Variants in LPCAT2 observed in about 807,000 individuals in gnomAD.
LPCAT2 encodes 1-AGP acyltransferase 11.
In LPCAT2, 58 loss-of-function variants were observed where a neutral mutation model predicts 64.7. The ratio of observed to expected loss-of-function variants is 0.90; its 90% CI spans 0.73 to 1.12. LPCAT2 has a LOEUF of 1.12. LPCAT2 is among the 50% of genes most tolerant of loss of function. The pLI, the probability that LPCAT2 is intolerant of heterozygous loss-of-function variation, is 0.00. For synonymous variants in LPCAT2, 252 were observed against 245.3 expected (o/e 1.03, Z -0.26); for missense variants, 579 against 669.8 (o/e 0.86, Z 1.50).
At chr16:55,530,091 C>T (rs1299022428) in intron 4 of LPCAT2, 144 bp downstream of exon 4, 3 of 517,108 alleles carry the variant, frequency 5.8e-6, no homozygotes, top group Non-Finnish European at 1.0e-5. Flanking sequence ...AGAGTAAATA[C>T]AGTAGCCAGT....
intron 11 of LPCAT2, among the ~76,000 whole-genome samples, chr16:55,563,934 T>C (rs991206601): frequency 1.3e-5 from 2 of 151,904 alleles, no homozygotes; most frequent in Non-Finnish European, 2.9e-5. Flanking sequence ...TGATATGATC[T>C]TATTTGTAGA....
At chr16:55,542,505 A>G (rs1225786601) in intron 8 of LPCAT2, among the ~76,000 whole-genome samples, 1 of 152,174 alleles carries the variant, frequency 6.6e-6, no homozygotes, top group Non-Finnish European at 1.5e-5. Context: ...CATGGAACAT[A>G]TGTAACATTT....
chr16:55,543,754 C>T (rs946959423), intron 8 of LPCAT2, among the ~76,000 whole-genome samples: 2 of 152,080 alleles, frequency 1.3e-5, no homozygotes, highest in East Asian at 1.9e-4. Flanking sequence ...CTTCAGAGAT[C>T]GTTTAGTTAA....
At chr16:55,523,575 A>G (rs1449059585) in intron 1 of LPCAT2, among the ~76,000 whole-genome samples, 3 of 151,840 alleles carry the variant, frequency 2.0e-5, no homozygotes, top group African/African-American at 7.2e-5. Flanking sequence ...TATTCATACA[A>G]TTGAATAGTA....
rs1324284407 is a variant in LPCAT2, at chr16:55,584,962, GACT to G, written c.*1868_*1870del. Reference sequence around the variant, plus strand: ...AATGTATGTAATACTAAAAAATCATGACTACTTTTATCAAAGAAAAACCACACA... The same window carrying G: ...AATGTATGTAATACTAAAAAATCATGACTTTTATCAAAGAAAAACCACACA... On this transcript the variant is annotated 3_prime_UTR_variant, in exon 14 of 14. Coordinates refer to ENST00000262134, the MANE Select transcript of LPCAT2 (RefSeq NM_017839.5). 2.0e-5 allele frequency: 3 copies of G among 152,122 alleles called. No homozygotes were observed. The highest frequency in any genetic ancestry group is 4.8e-5 in the African/African-American group (2 of 41,446). The allele number at this position is 152,122 out of a possible 1,614,324, so 9.4% of individuals were successfully genotyped here.
At chr16:55,527,595 C>A (rs1252028606) in intron 2 of LPCAT2, among the ~76,000 whole-genome samples, 3 of 151,892 alleles carry the variant, frequency 2.0e-5, no homozygotes, top group African/African-American at 7.3e-5. Flanking sequence ...TGTGTTTGCA[C>A]TTCTAGGAAT....
chr16:55,530,208 T>G (rs975149841), intron 4 of LPCAT2, among the ~76,000 whole-genome samples: 4 of 152,158 alleles, frequency 2.6e-5, no homozygotes, highest in Non-Finnish European at 5.9e-5. Context: ...TACAAAAATT[T>G]GATTCTCTAA....
chr16:55,548,887 A>G (rs1185803419), intron 9 of LPCAT2, among the ~76,000 whole-genome samples: 3 of 152,188 alleles, frequency 2.0e-5, no homozygotes, highest in Admixed American at 2.0e-4. Context: ...TGGAATAAGG[A>G]TAGTATTCAC....
intron 1 of LPCAT2, among the ~76,000 whole-genome samples, chr16:55,523,455 A>G (rs1963126010): frequency 6.6e-6 from 1 of 151,744 alleles, no homozygotes; most frequent in Admixed American, 6.6e-5. Context: ...GTGAAATGAA[A>G]ATGTATGGTC....
intron 2 of LPCAT2, among the ~76,000 whole-genome samples, chr16:55,526,619 A>G (rs1489851690): frequency 1.3e-5 from 2 of 152,224 alleles, no homozygotes; most frequent in African/African-American, 4.8e-5. Context: ...GAGAAATCTC[A>G]GTTCTTGCAA....
intron 10 of LPCAT2, among the ~76,000 whole-genome samples, chr16:55,550,437 A>T (rs1433495832): frequency 6.6e-6 from 1 of 152,182 alleles, no homozygotes; most frequent in Non-Finnish European, 1.5e-5. Flanking sequence ...AAGAATTGTT[A>T]TTTCATCTTT....
At chr16:55,576,018 A>G (rs188513519) in intron 12 of LPCAT2, among the ~76,000 whole-genome samples, 6 of 152,322 alleles carry the variant, frequency 3.9e-5, no homozygotes, top group Non-Finnish European at 8.8e-5. Context: ...TTATCAGTTT[A>G]GTTGAGCAAA....
intron 11 of LPCAT2, 89 bp from the exon 12 acceptor site, chr16:55,574,542 A>G (rs1400405273): frequency 2.2e-6 from 2 of 890,204 alleles, no homozygotes; most frequent in African/African-American, 1.6e-5. Context: ...AGGTTGAGCT[A>G]TAAGACATAC....
chr16:55,521,958 C>T (rs1488896760), intron 1 of LPCAT2, among the ~76,000 whole-genome samples: 3 of 151,700 alleles, frequency 2.0e-5, no homozygotes, highest in East Asian at 3.9e-4. Flanking sequence ...TTGTTCACCA[C>T]TTCTGTTCAA....
In LPCAT2 at chr16:55,567,492, A is replaced by G. The variant is rs1445843532; in HGVS notation, c.1216-7139A>G. On this transcript the variant is annotated intron_variant, in intron 11 of 13. Coordinates refer to ENST00000262134, the MANE Select transcript of LPCAT2 (RefSeq NM_017839.5). The stretch of plus-strand genomic sequence containing the variant: ...TATCAAAGAATGGCTGCAGTTGACC[A>G]TGTATTCCTGAAGTGGGAACTGAGA... The G allele has an allele frequency of 1.2e-6, 2 of 1,612,884 alleles. No individual in the cohort carries two copies. Among genetic ancestry groups the G allele is most frequent in the Admixed American group, 1.7e-5 (1 of 59,912 alleles).
chr16:55,574,588 C>A, intron 11 of LPCAT2, 43 bp from the exon 12 acceptor site: 1 of 1,285,048 alleles, frequency 7.8e-7, no homozygotes, highest in Non-Finnish European at 1.1e-6. Context: ...AATAGTAATT[C>A]CACTAGTGGC....
rs1205730972 is a variant in LPCAT2 at position 55,534,483 on chromosome 16, T to C, written c.797+6T>C. 7.1e-7 allele frequency: 1 copy of C among 1,403,092 alleles called. No individual in the cohort carries two copies. The highest frequency in any genetic ancestry group is 1.9e-5 in the Admixed American group (1 of 51,754). The allele number at this position is 1,403,092 out of a possible 1,614,324, so 86.9% of individuals were successfully genotyped here. On this transcript the variant is annotated splice_donor_region_variant and intron_variant, in intron 7 of 13. Coordinates refer to ENST00000262134, the MANE Select transcript of LPCAT2 (RefSeq NM_017839.5). Reference sequence around the variant, plus strand: ...ACATGGCAAGGATATACATTGTAAGTCACTTATGTCTATTATTAGTTTATA... The same window carrying C: ...ACATGGCAAGGATATACATTGTAAGCCACTTATGTCTATTATTAGTTTATA...
intron 11 of LPCAT2, among the ~76,000 whole-genome samples, chr16:55,563,313 A>T (rs1165332154): frequency 1.3e-5 from 2 of 151,964 alleles, no homozygotes; most frequent in Non-Finnish European, 2.9e-5. Context: ...AAGTACTAAC[A>T]CCAGTTCTTT....
At chr16:55,527,076 A>G (rs1963181273) in intron 2 of LPCAT2, among the ~76,000 whole-genome samples, 1 of 152,152 alleles carries the variant, frequency 6.6e-6, no homozygotes, top group East Asian at 1.9e-4. Flanking sequence ...TAAACTAAAG[A>G]AGAAAGGGAG....
Sources: allele counts gnomAD v4.1 joint callset (sites outside exome capture counted in the v4.1 genomes callset), GRCh38; gene constraint gnomAD v4.1.1; transcripts MANE v1.5; gene names NCBI Gene and HGNC (gene_info 2026-07-23, HGNC 2026-07-21).